FCHSD2: variants seen among roughly 807,000 people sequenced by gnomAD.
FCHSD2 encodes the protein F-BAR and double SH3 domains protein 2.
FCHSD2 carries 38 observed loss-of-function variants against 108.1 expected under a neutral mutation model. That is an observed-to-expected ratio of 0.35 (90% CI 0.27 to 0.46). The LOEUF is 0.46. Ranked by LOEUF, FCHSD2 falls within the 20% of genes least tolerant of loss-of-function variation. FCHSD2 has a pLI of 1.00. For missense variants in FCHSD2, 751 were observed against 897.8 expected (o/e 0.84, Z 2.09); for synonymous variants, 279 against 314.7 (o/e 0.89, Z 1.20).
intron 2 of FCHSD2, among the ~76,000 whole-genome samples, chr11:73,135,239 AAC>A (rs1475498438): frequency 6.6e-6 from 1 of 152,236 alleles, no homozygotes; most frequent in Non-Finnish European, 1.5e-5. Flanking sequence ...AAGCTTGGGA[AAC>A]ACAGATACAG....
intron 13 of FCHSD2, among the ~76,000 whole-genome samples, chr11:72,860,974 G>T (rs1591350213): frequency 6.6e-6 from 1 of 152,040 alleles, no homozygotes; most frequent in African/African-American, 2.4e-5. Flanking sequence ...TCAAATCAAT[G>T]ACCTCAGTTT....
intron 8 of FCHSD2, among the ~76,000 whole-genome samples, chr11:72,963,211 C>A (rs764291400): frequency 1.8e-4 from 28 of 151,986 alleles, no homozygotes; most frequent in Non-Finnish European, 3.8e-4. Context: ...CCATAGTAGA[C>A]CCTCAATAAA....
chr11:72,987,844 C>A (rs1280503927), intron 6 of FCHSD2, among the ~76,000 whole-genome samples: 1 of 152,182 alleles, frequency 6.6e-6, no homozygotes, highest in Non-Finnish European at 1.5e-5. Flanking sequence ...TCCCAATGGA[C>A]ATCTAATCTA....
chr11:73,062,587 G>A (rs1859193382), intron 3 of FCHSD2, among the ~76,000 whole-genome samples: 1 of 152,082 alleles, frequency 6.6e-6, no homozygotes, highest in African/African-American at 2.4e-5. Flanking sequence ...GTGTAGAGGA[G>A]AACATAAATG....
At chr11:73,093,446 A>G (rs960405005) in intron 2 of FCHSD2, among the ~76,000 whole-genome samples, 5 of 152,132 alleles carry the variant, frequency 3.3e-5, no homozygotes, top group African/African-American at 1.2e-4. Context: ...GTCAAAGTGA[A>G]GGAGGTATTA....
At chr11:73,111,094 T>C (rs1860473266) in intron 2 of FCHSD2, among the ~76,000 whole-genome samples, 1 of 152,182 alleles carries the variant, frequency 6.6e-6, no homozygotes, top group Non-Finnish European at 1.5e-5. Context: ...TCACCTGACA[T>C]ATGGTCTATG....
rs369593900 is a variant in FCHSD2 at position 73,096,730 on chromosome 11, T to C, written c.120-12990A>G. ...GTACGATGTTACTGTGAGCTTGTCA[T>C]ATGTGCCCTTTAACATGTTAAGGAC... On this transcript the variant is annotated intron_variant, in intron 2 of 19. Coordinates refer to ENST00000409418, the MANE Select transcript of FCHSD2 (RefSeq NM_014824.3). Among the ~76,000 whole-genome samples, 34 of 152,080 alleles carry C rather than the reference T, an allele frequency of 2.2e-4. No individual in the cohort carries two copies. The South Asian group carries it at 6.6e-3, about 30-fold the overall frequency.
At chr11:73,054,741 T>C (rs143844192) in intron 3 of FCHSD2, among the ~76,000 whole-genome samples, 1 of 152,046 alleles carries the variant, frequency 6.6e-6, no homozygotes, top group Admixed American at 6.5e-5. Flanking sequence ...AGTGGCACAA[T>C]CATGGCTCAC....
chr11:73,122,906 T>G (rs998092219), intron 2 of FCHSD2, among the ~76,000 whole-genome samples: 1 of 152,230 alleles, frequency 6.6e-6, no homozygotes, highest in Non-Finnish European at 1.5e-5. Context: ...TTAGTCTCAT[T>G]GCTGAATGTT....
intron 8 of FCHSD2, among the ~76,000 whole-genome samples, chr11:72,977,795 G>A (rs1016952373): frequency 3.9e-5 from 6 of 152,158 alleles, no homozygotes; most frequent in Non-Finnish European, 7.4e-5. Flanking sequence ...CCATTTGACC[G>A]AGCAATCCCA....
At chr11:73,129,279 G>A (rs1029581171) in intron 2 of FCHSD2, among the ~76,000 whole-genome samples, 2 of 152,218 alleles carry the variant, frequency 1.3e-5, no homozygotes, top group Admixed American at 6.5e-5. Flanking sequence ...TCTAAACCAG[G>A]GGTCCCCAAC....
chr11:73,061,874 G>T (rs1313009964), intron 3 of FCHSD2, among the ~76,000 whole-genome samples: 1 of 152,120 alleles, frequency 6.6e-6, no homozygotes, highest in Non-Finnish European at 1.5e-5. Context: ...GGGCAGCTGT[G>T]GGCACAGCTT....
chr11:72,981,060 T>C (rs1288983132), intron 8 of FCHSD2, among the ~76,000 whole-genome samples: 1 of 152,138 alleles, frequency 6.6e-6, no homozygotes, highest in African/African-American at 2.4e-5. Flanking sequence ...TGGTGGAAAT[T>C]TACTAAGTAG....
chr11:72,882,729 G>C (rs1409034018), intron 12 of FCHSD2, among the ~76,000 whole-genome samples: 1 of 152,110 alleles, frequency 6.6e-6, no homozygotes, highest in Non-Finnish European at 1.5e-5. Flanking sequence ...TAAATAGAGA[G>C]ACACATCATG....
At chr11:72,849,629 G>T in intron 14 of FCHSD2, 126 bp downstream of exon 14, 2 of 734,134 alleles carry the variant, frequency 2.7e-6, no homozygotes, top group Non-Finnish European at 2.3e-6. Flanking sequence ...ATTCTGTTAT[G>T]TTGCCCCAAT....
chr11:72,900,752 T>C (rs1414906487), intron 10 of FCHSD2, among the ~76,000 whole-genome samples: 1 of 152,094 alleles, frequency 6.6e-6, no homozygotes, highest in African/African-American at 2.4e-5. Flanking sequence ...TTTCTTTATA[T>C]AGCTGCTAAC....
intron 4 of FCHSD2, among the ~76,000 whole-genome samples, chr11:73,004,062 T>C (rs1416172835): frequency 2.4e-5 from 3 of 122,930 alleles, no homozygotes; most frequent in East Asian, 2.3e-4. Flanking sequence ...TGAGCCGAGA[T>C]AGTGCCACTG....
intron 2 of FCHSD2, among the ~76,000 whole-genome samples, chr11:73,129,350 G>C (rs1456872047): frequency 6.6e-6 from 1 of 152,196 alleles, no homozygotes; most frequent in Non-Finnish European, 1.5e-5. Context: ...CACAACAGGA[G>C]GTGAGTGGCG....
chr11:73,067,240 G>C (rs546680568), intron 3 of FCHSD2, among the ~76,000 whole-genome samples: 1 of 151,954 alleles, frequency 6.6e-6, no homozygotes, highest in Non-Finnish European at 1.5e-5. Flanking sequence ...AACAGAAAAC[G>C]AAACACTGCA....
Sources: allele counts gnomAD v4.1 joint callset (sites outside exome capture counted in the v4.1 genomes callset), GRCh38; gene constraint gnomAD v4.1.1; transcripts MANE v1.5; gene names NCBI Gene and HGNC (gene_info 2026-07-23, HGNC 2026-07-21).